SLC9A2: variants seen among roughly 807,000 people sequenced by gnomAD.
The protein encoded by SLC9A2 is solute carrier family 9 member A2, also known as sodium/hydrogen exchanger 2.
SLC9A2 carries 42 observed loss-of-function variants against 71.7 expected under a neutral mutation model. The observed-to-expected ratio is 0.59, with a 90% CI of 0.46 to 0.76. The LOEUF is 0.76. SLC9A2 is among the 30% of genes least tolerant of loss of function. SLC9A2 has a pLI of 0.00. For synonymous variants in SLC9A2, 396 were observed against 392.5 expected, an observed-to-expected ratio of 1.01 and a Z score of -0.10; for missense variants, 829 against 1,017.4, an observed-to-expected ratio of 0.81 and a Z score of 2.52.
chr2:102,655,723 T>A (rs1452458115), intron 1 of SLC9A2, among the ~76,000 whole-genome samples: 3 of 152,244 alleles, frequency 2.0e-5, no homozygotes, highest in Non-Finnish European at 2.9e-5. Context: ...TCTGTCCTAC[T>A]CTGTTCCTGT....
intron 1 of SLC9A2, among the ~76,000 whole-genome samples, chr2:102,628,404 T>C (rs534085269): frequency 1.3e-5 from 2 of 152,254 alleles, no homozygotes; most frequent in Admixed American, 1.3e-4. Context: ...ACAAAATCAG[T>C]TTGATCTTCA....
At chr2:102,642,037 TAAAATATA>T (rs1268892344) in intron 1 of SLC9A2, among the ~76,000 whole-genome samples, 6 of 102,880 alleles carry the variant, frequency 5.8e-5, no homozygotes, top group African/African-American at 7.5e-5. Flanking sequence ...CCCTAGAACT[TAAAATATA>T]ATAATAATAA....
Position 102,678,829 on chromosome 2 carries a change from T to A in SLC9A2, c.1005-4432T>A, listed in dbSNP as rs1677392440. The stretch of plus-strand genomic sequence containing the variant: ...GGTGATGACTATCAGCTCTAGAAGA[T>A]GACCTGGCGGAGTGGGCAGAGATGG... On this transcript the variant is annotated intron_variant, in intron 3 of 11. Coordinates refer to ENST00000233969, the MANE Select transcript of SLC9A2 (RefSeq NM_003048.6). Among the ~76,000 whole-genome samples the A allele has an allele frequency of 2.0e-5, 3 of 152,324 alleles. No homozygotes were observed. In the South Asian group the frequency reaches 6.2e-4, roughly 32 times the overall value.
At chr2:102,640,897 T>A (rs1378268676) in intron 1 of SLC9A2, among the ~76,000 whole-genome samples, 2 of 152,164 alleles carry the variant, frequency 1.3e-5, no homozygotes, top group African/African-American at 4.8e-5. Flanking sequence ...CACTTATCAC[T>A]CCAGGGATTC....
chr2:102,633,986 G>T (rs1195468434), intron 1 of SLC9A2, among the ~76,000 whole-genome samples: 1 of 152,206 alleles, frequency 6.6e-6, no homozygotes, highest in Non-Finnish European at 1.5e-5. Context: ...TAGAATGTGT[G>T]CTCAATGAGG....
intron 7 of SLC9A2, 101 bp from the exon 8 acceptor site, chr2:102,700,969 G>A: frequency 1.3e-6 from 1 of 778,582 alleles, no homozygotes; most frequent in Non-Finnish European, 2.1e-6. Flanking sequence ...CTGCTACTAA[G>A]TATTTTCCTG....
chr2:102,620,215 T>C (rs1268944162), intron 1 of SLC9A2, 78 bp downstream of exon 1: 1 of 1,327,538 alleles, frequency 7.5e-7, no homozygotes, highest in Non-Finnish European at 1.0e-6. Flanking sequence ...GTCAGCCAGC[T>C]GACCTCTAGA....
chr2:102,708,028 T>A (rs1678015312), intron 11 of SLC9A2, 91 bp from the exon 12 acceptor site: 3 of 1,368,258 alleles, frequency 2.2e-6, no homozygotes, highest in African/African-American at 1.4e-5. Context: ...CCCCAGGACG[T>A]ATCAGTTGCC....
At chr2:102,636,653 A>C (rs1676474478) in intron 1 of SLC9A2, among the ~76,000 whole-genome samples, 1 of 152,266 alleles carries the variant, frequency 6.6e-6, no homozygotes, top group South Asian at 2.1e-4. Flanking sequence ...GTTTACTAAC[A>C]CATGAGTTGA....
chr2:102,672,867 A>G (rs1431009383), intron 3 of SLC9A2, among the ~76,000 whole-genome samples: 1 of 152,138 alleles, frequency 6.6e-6, no homozygotes, highest in Non-Finnish European at 1.5e-5. Flanking sequence ...TTCTTGCCTC[A>G]TCTTCTTAGA....
chr2:102,708,109 T>G lies in SLC9A2; in HGVS notation c.2069-10T>G. ...AATGCTTGCCCACCTTGTCTTTTGC[T>G]CCGTGATAGATGGCAATAGCAGCGA... On this transcript the variant is annotated splice_polypyrimidine_tract_variant and intron_variant, in intron 11 of 11. Coordinates refer to ENST00000233969, the MANE Select transcript of SLC9A2 (RefSeq NM_003048.6). 1 of 1,604,452 alleles carries G rather than the reference T, an allele frequency of 6.2e-7. No individual in the cohort carries two copies. Among genetic ancestry groups the G allele is most frequent in the Non-Finnish European group, 8.5e-7 (1 of 1,175,730 alleles).
At chr2:102,629,858 G>T (rs1558700430) in intron 1 of SLC9A2, among the ~76,000 whole-genome samples, 1 of 152,044 alleles carries the variant, frequency 6.6e-6, no homozygotes, top group Non-Finnish European at 1.5e-5. Context: ...AACTCGCAGG[G>T]CTCAGTAGTC....
At chr2:102,624,647 T>C (rs1191489729) in intron 1 of SLC9A2, among the ~76,000 whole-genome samples, 1 of 152,178 alleles carries the variant, frequency 6.6e-6, no homozygotes, top group Non-Finnish European at 1.5e-5. Flanking sequence ...TATCTTGAGG[T>C]CTTGTGAGGC....
intron 1 of SLC9A2, among the ~76,000 whole-genome samples, chr2:102,632,148 A>ATATATATG (rs1423417294): frequency 0.36 from 35,784 of 99,842 alleles, 6,170 homozygotes; most frequent in Middle Eastern, 0.56. Context: ...GTATATATAC[A>ATATATATG]TATATACACA....
intron 3 of SLC9A2, among the ~76,000 whole-genome samples, chr2:102,681,814 G>C (rs956386222): frequency 1.3e-5 from 2 of 152,130 alleles, no homozygotes; most frequent in African/African-American, 4.8e-5. Context: ...TTTTAATAAG[G>C]GGCACAAAAA....
Position 102,704,689 on chromosome 2 carries a change from C to A in SLC9A2, c.1977+14C>A, listed in dbSNP as rs199888778. ...CGAGAACACAGGGTAACTGAGTGTG[C>A]GCCTCTAGGAGACTTCCAGGGGTGG... On this transcript the variant is annotated intron_variant, in intron 10 of 11. Transcript: ENST00000233969. The A allele has an allele frequency of 6.9e-6, 11 of 1,605,166 alleles. No individual in the cohort carries two copies. Among genetic ancestry groups the A allele is most frequent in the African/African-American group, 2.7e-5 (2 of 74,620 alleles).
At chr2:102,645,520 G>T (rs1348424359) in intron 1 of SLC9A2, among the ~76,000 whole-genome samples, 2 of 152,060 alleles carry the variant, frequency 1.3e-5, no homozygotes, top group Non-Finnish European at 2.9e-5. Flanking sequence ...AAAGGAGCAT[G>T]TTCTAACCCA....
At chr2:102,680,865 T>C (rs766175394) in intron 3 of SLC9A2, among the ~76,000 whole-genome samples, 11 of 151,538 alleles carry the variant, frequency 7.3e-5, no homozygotes, top group Admixed American at 2.0e-4. Context: ...AGAGAAGATG[T>C]GATTAGGGAA....
chr2:102,619,942 CT>C lies in SLC9A2; in HGVS notation c.95del (p.Leu32ArgfsTer6), dbSNP rs1226632881. ...GCAGGTGGCGGGGCCCGTGGGCGCC[CT>C]GGCGGAGACCTTGCTGAACGCGCCG... ...LLQVAGPVGA[L>X]AETLLNAPRA... On this transcript the variant is annotated frameshift_variant, in exon 1 of 12. Transcript: ENST00000233969. LOFTEE classifies it high-confidence loss of function. The surrounding 1 kb of genome is among the most constrained non-coding windows in gnomAD (Gnocchi z 4.3). The C allele has an allele frequency of 6.2e-7, 1 of 1,609,452 alleles. No individual in the cohort carries two copies. Among genetic ancestry groups the C allele is most frequent in the Non-Finnish European group, 8.5e-7 (1 of 1,177,800 alleles).
Sources: gnomAD v4.1 joint callset for allele counts (sites outside exome capture counted in the v4.1 genomes callset) on GRCh38, gnomAD v4.1.1 for gene constraint, Gnocchi (gnomAD v3.1) non-coding constraint, MANE v1.5 for transcripts, NCBI Gene and HGNC (gene_info 2026-07-23, HGNC 2026-07-21) for gene names.